Variants in LAMA5 observed in about 807,000 individuals in gnomAD.
LAMA5 encodes the protein laminin subunit alpha-5.
In LAMA5, 260 loss-of-function variants were observed where a neutral mutation model predicts 433.4. The ratio of observed to expected loss-of-function variants is 0.60; its 90% CI spans 0.54 to 0.66. LAMA5 has a LOEUF of 0.66. Ranked by LOEUF, LAMA5 falls within the 30% of genes least tolerant of loss-of-function variation. LAMA5 has a pLI of 0.00. For missense variants in LAMA5, 5,378 were observed against 5,258.5 expected, an observed-to-expected ratio of 1.02 and a Z score of -0.70; for synonymous variants, 2,620 against 2,226.6, an observed-to-expected ratio of 1.18 and a Z score of -4.97.
chr20:62,345,948 T>C (rs538771151), intron 10 of LAMA5, 71 bp from the exon 11 acceptor site: 13 of 1,564,460 alleles, frequency 8.3e-6, no homozygotes, highest in Middle Eastern at 1.7e-4. Context: ...CCTGCCACCC[T>C]TGGTCTCTCA....
At position 62,332,397 on chromosome 20, in the gene LAMA5, G is replaced by C. The variant is rs1213194254; in HGVS notation, c.3527C>G (p.Thr1176Arg). Reference protein sequence around the residue: ...HLDSEASVRLTAEQARFFLHG... With the variant: ...HLDSEASVRLRAEQARFFLHG... Reference sequence around the variant, plus strand: ...CAGGAAGAAGCGTGCCTGTTCGGCTGTGAGCCTCACGCTGGCCTCCGAGTC... The same window carrying C: ...CAGGAAGAAGCGTGCCTGTTCGGCTCTGAGCCTCACGCTGGCCTCCGAGTC... Residue 1176 changes from threonine (T) to arginine (R), a missense_variant, in exon 28 of 80, where the codon ACA becomes AGA. Physicochemically the swap from Thr to Arg is moderately conservative, Grantham distance 71 (BLOSUM62 -1). Transcript: ENST00000252999. 1 of 1,612,678 alleles carries C rather than the reference G, an allele frequency of 6.2e-7. No individual in the cohort carries two copies. The highest frequency in any genetic ancestry group is 1.7e-5 in the Admixed American group (1 of 60,022).
Position 62,327,891 on chromosome 20 carries a change from G to A in LAMA5, c.4772C>T (p.Pro1591Leu), listed in dbSNP as rs1423879162. The change falls in exon 36 of 80, where the codon CCC (proline) becomes CTC (leucine). Residue 1591 changes from proline (P) to leucine (L), a missense_variant. By Grantham distance (98) the Pro-to-Leu change is moderately conservative (BLOSUM62 -3). Coordinates refer to ENST00000252999, the MANE Select transcript of LAMA5 (RefSeq NM_005560.6). ...EAGTAPGVCD[P>L]LTGQCYCKEN... ...CTTACAGTAGCACTGCCCTGTGAGG[G>A]GGTCACACACGCCAGGCGCAGTGCC... 3 of 1,611,138 alleles carry A rather than the reference G, an allele frequency of 1.9e-6. No homozygotes were observed. The highest frequency in any genetic ancestry group is 1.1e-5 in the South Asian group (1 of 90,928).
At chr20:62,352,148 C>A (rs1984420892) in intron 4 of LAMA5, 69 bp from the exon 5 acceptor site, 1 of 1,583,774 alleles carries the variant, frequency 6.3e-7, no homozygotes, top group Non-Finnish European at 8.6e-7. Flanking sequence ...CCCGGGCCCA[C>A]CTTTCCCTTC....
At chr20:62,362,948 CA>C (rs752104981) in intron 1 of LAMA5, among the ~76,000 whole-genome samples, 38 of 152,060 alleles carry the variant, frequency 2.5e-4, no homozygotes, top group Admixed American at 1.6e-3. Flanking sequence ...CAGTAAACCA[CA>C]AGGTGGATCA....
Position 62,323,607 on chromosome 20 carries a change from G to A in LAMA5, c.5913C>T (p.Cys1971=), listed in dbSNP as rs775567672. The A allele has an allele frequency of 3.1e-6, 5 of 1,611,240 alleles. No homozygotes were observed. The African/African-American group carries it at 5.3e-5, about 17-fold the overall frequency. ...GCAAGTTGGGGTCACCGTTGCCGCT[G>A]CAGTCGCATGGCTGGCAGGAGCTGC... is the stretch of plus-strand genomic sequence containing the variant. The part of the protein sequence containing the change: ...VLGSSCQPCD[C]SGNGDPNLLF... Residue 1971 remains cysteine (C), a synonymous_variant, in exon 45 of 80, where the codon TGC becomes TGT. Coordinates refer to ENST00000252999, the MANE Select transcript of LAMA5 (RefSeq NM_005560.6).
rs1488696782 is a variant in LAMA5 at position 62,310,433 on chromosome 20, C to G, written c.10586G>C (p.Gly3529Ala). 4 of 1,604,166 alleles carry G rather than the reference C, an allele frequency of 2.5e-6. No individual in the cohort carries two copies. Among genetic ancestry groups the G allele is most frequent in the Admixed American group, 1.7e-5 (1 of 58,674 alleles). ...EAGLFFPGSG[G>A]VITLDLPGAT... ...CACCCACAGACCTAAAGTGATAACT[C>G]CCCCGCTGCCTGGGAAGAACAGGCC... Residue 3529 changes from glycine to alanine, a missense_variant, in exon 76 of 80, where the codon GGA becomes GCA. Physicochemically the swap from Gly to Ala is moderately conservative, Grantham distance 60 (BLOSUM62 0). Coordinates refer to ENST00000252999, the MANE Select transcript of LAMA5 (RefSeq NM_005560.6).
At chr20:62,353,929 C>T (rs1051266289) in intron 2 of LAMA5, among the ~76,000 whole-genome samples, 7 of 152,092 alleles carry the variant, frequency 4.6e-5, no homozygotes, top group Non-Finnish European at 7.4e-5. Flanking sequence ...GAAGCTGAGT[C>T]TGCCTCGGAG....
At chr20:62,327,136 T>TC (rs1468583136) in intron 38 of LAMA5, 97 bp downstream of exon 38, 2 of 1,256,420 alleles carry the variant, frequency 1.6e-6, no homozygotes, top group Non-Finnish European at 2.2e-6. Flanking sequence ...CCCATGGAGC[T>TC]CCCCCTCCCT....
rs944894 is a variant in LAMA5, at chr20:62,327,158, G to A, written c.5112+75C>T. On this transcript the variant is annotated intron_variant, in intron 38 of 79. Transcript: ENST00000252999. Reference sequence around the variant, plus strand: ...AGCTCCCCCTCCCTGGACAGACCCCGCTCCTGGCTCCCAACCCTCTCAGGC... The same window carrying A: ...AGCTCCCCCTCCCTGGACAGACCCCACTCCTGGCTCCCAACCCTCTCAGGC... 0.94 allele frequency: 1,291,627 copies of A among 1,380,422 alleles called. 605,114 individuals are homozygous for A. Among genetic ancestry groups the A allele is most frequent in the East Asian group, 0.98 (39,164 of 39,786 alleles). The allele number at this position is 1,380,422 out of a possible 1,614,324, so 85.5% of individuals were successfully genotyped here. A position where few individuals can be genotyped will look rare whatever the true frequency, so the allele number is the denominator to read the frequency against.
chr20:62,338,242 A>G lies in LAMA5; in HGVS notation c.1746T>C (p.Pro582=). ...DRCAPGYFHF[P]LCQLCGCSPA... is the part of the protein sequence containing the mutation. ...AGAGGCACCACTCACACTGGCAGAG[A>G]GGGAAGTGAAAGTAGCCGGGGGCAC... Residue 582 remains proline, a synonymous_variant, in exon 13 of 80, where the codon CCT becomes CCC. Coordinates refer to ENST00000252999, the MANE Select transcript of LAMA5 (RefSeq NM_005560.6). The G allele has an allele frequency of 6.3e-7, 1 of 1,596,704 alleles. No homozygotes were observed. Among genetic ancestry groups the G allele is most frequent in the Admixed American group, 1.7e-5 (1 of 58,710 alleles).
Position 62,325,119 on chromosome 20 carries a change from G to C in LAMA5, c.5529+197C>G. ...GCGGATGAGGGGCAGGCAGGCGGAC[G>C]AGGGGCAGGCAGACAGGCAGCAGGG... On this transcript the variant is annotated intron_variant, in intron 41 of 79. Coordinates refer to ENST00000252999, the MANE Select transcript of LAMA5 (RefSeq NM_005560.6). 1.1e-5 allele frequency: 6 copies of C among 565,602 alleles called. No individual in the cohort carries two copies. The South Asian group carries it at 1.1e-4, about 11-fold the overall frequency. The allele number at this position is 565,602 out of a possible 1,614,324, so 35.0% of individuals were successfully genotyped here. A position where few individuals can be genotyped will look rare whatever the true frequency, so the allele number is the denominator to read the frequency against.
At chr20:62,311,351 C>A in intron 72 of LAMA5, 44 bp from the exon 73 acceptor site, 3 of 1,520,482 alleles carry the variant, frequency 2.0e-6, no homozygotes, top group Non-Finnish European at 2.6e-6. Context: ...CACACAGGGG[C>A]CACCCTTCCA....
Position 62,338,602 on chromosome 20 carries a change from T to A in LAMA5, c.1484A>T (p.Asp495Val). 6.2e-7 allele frequency: 1 copy of A among 1,609,404 alleles called. No homozygotes were observed. Among genetic ancestry groups the A allele is most frequent in the South Asian group, 1.1e-5 (1 of 90,394 alleles). ...GCCCTGGGTCCCTGCCGCGCTGCAG[T>A]CACAATCTGGAGGGTGGGGACAGGC... ...VLPAGQIVNC[D>V]CSAAGTQGNA... Residue 495 changes from aspartate to valine, a missense_variant, in exon 12 of 80, where the codon GAC becomes GTC. Transcript: ENST00000252999.
intron 2 of LAMA5, among the ~76,000 whole-genome samples, chr20:62,355,687 G>A (rs765632538): frequency 6.6e-5 from 10 of 152,158 alleles, no homozygotes; most frequent in Non-Finnish European, 1.5e-4. Flanking sequence ...TGCCCAGCAG[G>A]GAGGGGTATG....
In LAMA5 at chr20:62,309,477, T is replaced by G. The variant is rs920372501; in HGVS notation, c.10949-2A>C. 1.9e-6 allele frequency: 3 copies of G among 1,574,996 alleles called. No individual in the cohort carries two copies. Among genetic ancestry groups the G allele is most frequent in the African/African-American group, 1.3e-5 (1 of 74,470 alleles). On this transcript the variant is annotated splice_acceptor_variant, in intron 79 of 79. Coordinates refer to ENST00000252999, the MANE Select transcript of LAMA5 (RefSeq NM_005560.6). LOFTEE classifies it high-confidence loss of function. The stretch of plus-strand genomic sequence containing the variant: ...GCCAGGGCTGCACGGCCATGGGCTC[T>G]GGGGGCACAGGGAAGATGGAAGAAG...
chr20:62,318,665 G>T lies in LAMA5; in HGVS notation c.7043-15C>A. ...CCGGGCCAGCACTAGCCGAGACCAG[G>T]GTGAGGGTGGTCACTCTGGAAGCCA... On this transcript the variant is annotated splice_polypyrimidine_tract_variant and intron_variant, in intron 52 of 79. Coordinates refer to ENST00000252999, the MANE Select transcript of LAMA5 (RefSeq NM_005560.6). 6.2e-7 allele frequency: 1 copy of T among 1,607,116 alleles called. No homozygotes were observed.
chr20:62,366,035 C>A (rs1421285119), intron 1 of LAMA5, among the ~76,000 whole-genome samples: 2 of 152,222 alleles, frequency 1.3e-5, no homozygotes, highest in South Asian at 4.1e-4. Context: ...TCCGGGAAGG[C>A]AGAGGTACCA....
chr20:62,320,422 T>G (rs1987554961), intron 50 of LAMA5, 137 bp downstream of exon 50: 2 of 554,702 alleles, frequency 3.6e-6, no homozygotes, highest in Non-Finnish European at 6.4e-6. Context: ...GGTCAACCCC[T>G]AAGACTCTCG....
rs561264851 is a variant in LAMA5, at chr20:62,327,902, G to A, written c.4761C>T (p.Gly1587=). ...ACTGCCCTGTGAGGGGGTCACACAC[G>A]CCAGGCGCAGTGCCCGCCTCGTGAC... ...CDCHEAGTAP[G]VCDPLTGQCY... Residue 1587 remains glycine (G), a synonymous_variant, in exon 36 of 80, where the codon GGC becomes GGT. Transcript: ENST00000252999. 8.4e-5 allele frequency: 136 copies of A among 1,611,578 alleles called. No homozygotes were observed. In the Admixed American group the frequency reaches 9.3e-4, roughly 11 times the overall value.
Sources: gnomAD v4.1 joint callset for allele counts (sites outside exome capture counted in the v4.1 genomes callset) on GRCh38, gnomAD v4.1.1 for gene constraint, MANE v1.5 for transcripts, NCBI Gene and HGNC (gene_info 2026-07-23, HGNC 2026-07-21) for gene names.